SUGCT: variants seen among roughly 807,000 people sequenced by gnomAD.
SUGCT encodes succinyl-CoA:glutarate-CoA transferase.
SUGCT carries 41 observed loss-of-function variants against 55.0 expected under a neutral mutation model. That is an observed-to-expected ratio of 0.74 (90% CI 0.58 to 0.97). SUGCT has a LOEUF of 0.97. Ranked by LOEUF, SUGCT falls within the 50% of genes least tolerant of loss-of-function variation. SUGCT has a pLI of 0.00. For missense variants in SUGCT, 568 were observed against 547.8 expected (o/e 1.04, Z -0.37); for synonymous variants, 187 against 200.4 (o/e 0.93, Z 0.56).
chr7:40,365,305 C>T (rs984527828), intron 9 of SUGCT, among the ~76,000 whole-genome samples: 5 of 151,974 alleles, frequency 3.3e-5, no homozygotes, highest in South Asian at 2.1e-4. Context: ...CAGCCAATAT[C>T]GTACTGAATG....
the SUGCT span, among the ~76,000 whole-genome samples, chr7:40,955,945 A>G: frequency 2.0e-5 from 3 of 152,158 alleles, no homozygotes; most frequent in Non-Finnish European, 4.4e-5. Flanking sequence ...TGATTTGTGT[A>G]TGTTGACCAG....
chr7:40,929,269 C>T, the SUGCT span, among the ~76,000 whole-genome samples: 2 of 152,164 alleles, frequency 1.3e-5, no homozygotes, highest in African/African-American at 4.8e-5. Context: ...TTTTTTATGG[C>T]TCCATAGTAT....
the SUGCT span, among the ~76,000 whole-genome samples, chr7:41,036,835 T>A: frequency 6.6e-6 from 1 of 152,194 alleles, no homozygotes; most frequent in Non-Finnish European, 1.5e-5. Flanking sequence ...TCCCAGCTAA[T>A]CTTCTGTTAC....
intron 6 of SUGCT, among the ~76,000 whole-genome samples, chr7:40,228,873 A>C (rs796860413): frequency 3.3e-5 from 5 of 152,174 alleles, no homozygotes; most frequent in African/African-American, 1.2e-4. Flanking sequence ...TATCATTATG[A>C]ACCCACAATA....
At chr7:40,288,134 G>A (rs908013611) in intron 8 of SUGCT, among the ~76,000 whole-genome samples, 10 of 151,924 alleles carry the variant, frequency 6.6e-5, no homozygotes, top group Admixed American at 6.6e-5. Context: ...TGGTCTTTAC[G>A]GTCTGTAGTT....
chr7:40,742,675 G>A (rs369834596), intron 12 of SUGCT, among the ~76,000 whole-genome samples: 15 of 150,932 alleles, frequency 9.9e-5, no homozygotes, highest in East Asian at 7.7e-4. Flanking sequence ...CCATGGTACC[G>A]GTTTGCGGAC....
the SUGCT span, among the ~76,000 whole-genome samples, chr7:41,037,451 A>G: frequency 6.6e-6 from 1 of 151,984 alleles, no homozygotes; most frequent in African/African-American, 2.4e-5. Flanking sequence ...GATATATTAC[A>G]TAATTCTCAA....
chr7:40,153,339 C>A, intron 1 of SUGCT: 1 of 361,408 alleles, frequency 2.8e-6, no homozygotes, highest in East Asian at 7.9e-5. Context: ...ACTGCTTTCC[C>A]TCAAATGAGA....
the SUGCT span, among the ~76,000 whole-genome samples, chr7:40,949,233 G>C: frequency 1.3e-5 from 2 of 152,176 alleles, no homozygotes; most frequent in South Asian, 2.1e-4. Context: ...TCATGTGTCT[G>C]TTGGCTGCAT....
At chr7:40,680,022 A>G (rs1784167955) in intron 12 of SUGCT, among the ~76,000 whole-genome samples, 1 of 152,174 alleles carries the variant, frequency 6.6e-6, no homozygotes, top group Admixed American at 6.5e-5. Context: ...ATGAAAGAAA[A>G]TGTAATGTCA....
intron 1 of SUGCT, among the ~76,000 whole-genome samples, chr7:40,164,290 G>A (rs772217955): frequency 3.3e-5 from 5 of 152,004 alleles, no homozygotes; most frequent in South Asian, 4.1e-4. Context: ...ACCATGCCCA[G>A]CTAATTTTTT....
chr7:40,177,051 G>T (rs1436051109), intron 1 of SUGCT, among the ~76,000 whole-genome samples: 1 of 148,580 alleles, frequency 6.7e-6, no homozygotes, highest in Non-Finnish European at 1.5e-5. Context: ...TATACATTTT[G>T]TTAGATCACT....
chr7:41,009,955 C>T, the SUGCT span, among the ~76,000 whole-genome samples: 1 of 152,208 alleles, frequency 6.6e-6, no homozygotes, highest in Non-Finnish European at 1.5e-5. Context: ...GAGATATGTG[C>T]TGTATTCACA....
At chr7:40,446,641 A>G (rs1381622366) in intron 9 of SUGCT, among the ~76,000 whole-genome samples, 3 of 152,156 alleles carry the variant, frequency 2.0e-5, no homozygotes, top group Admixed American at 6.5e-5. Flanking sequence ...CTTGGGATCT[A>G]TTTTAGTTAC....
chr7:40,829,435 C>A (rs1377677704), intron 13 of SUGCT, among the ~76,000 whole-genome samples: 1 of 152,170 alleles, frequency 6.6e-6, no homozygotes, highest in Non-Finnish European at 1.5e-5. Flanking sequence ...CTGGGCTGAG[C>A]CCCAATTTTG....
At chr7:40,192,220 A>G (rs930950476) in intron 5 of SUGCT, among the ~76,000 whole-genome samples, 1 of 152,018 alleles carries the variant, frequency 6.6e-6, no homozygotes, top group Non-Finnish European at 1.5e-5. Flanking sequence ...GTTCCAAAGT[A>G]TTACACAAGG....
the SUGCT span, among the ~76,000 whole-genome samples, chr7:41,037,235 C>G: frequency 1.8e-4 from 27 of 152,172 alleles, no homozygotes; most frequent in African/African-American, 6.3e-4. Context: ...TTTTCTGCCC[C>G]TCTGAAGCCG....
chr7:40,821,550 G>A lies in SUGCT; in HGVS notation c.1154-38766G>A, dbSNP rs185235517. 2.1e-3 allele frequency among the ~76,000 whole-genome samples: 324 copies of A among 152,222 alleles called. 3 individuals carry two copies. Among genetic ancestry groups the A allele is most frequent in the African/African-American group, 7.2e-3 (299 of 41,536 alleles). On this transcript the variant is annotated intron_variant, in intron 13 of 13. Transcript: ENST00000335693. ...CTTCTAGATTTTCTAGTTTATTTGC[G>A]TAGAGGTGTTTATAATATTCTTTGA...
chr7:40,662,914 G>A (rs902629745), intron 12 of SUGCT, among the ~76,000 whole-genome samples: 1 of 152,146 alleles, frequency 6.6e-6, no homozygotes, highest in African/African-American at 2.4e-5. Context: ...CAGGAACGGA[G>A]CTTCCCTCAG....
Sources: allele counts gnomAD v4.1 joint callset (sites outside exome capture counted in the v4.1 genomes callset), GRCh38; gene constraint gnomAD v4.1.1; transcripts MANE v1.5; gene names NCBI Gene and HGNC (gene_info 2026-07-23, HGNC 2026-07-21).